Variants in APOBEC3H observed in about 807,000 individuals in gnomAD.
APOBEC3H encodes the protein apolipoprotein B mRNA editing enzyme catalytic subunit 3H.
Under a neutral mutation model 21.2 loss-of-function variants are expected in APOBEC3H, and 8 were observed. The observed-to-expected ratio is 0.38, with a 90% CI of 0.22 to 0.68. The LOEUF is 0.68. APOBEC3H is among the 30% of genes least tolerant of loss of function. The pLI is 0.52. For synonymous variants in APOBEC3H, 88 were observed against 91.0 expected (o/e 0.97, Z 0.19); for missense variants, 229 against 228.1 (o/e 1.00, Z -0.03).
rs368183706 is a variant in APOBEC3H at position 39,101,583 on chromosome 22, G to A, written c.418+79G>A. 3.6e-5 allele frequency: 34 copies of A among 945,846 alleles called. No homozygotes were observed. The African/African-American group carries it at 5.6e-4, about 16-fold the overall frequency. 58.6% of individuals were successfully genotyped at this position (945,846 alleles called of 1,614,324 possible). ...TGGCAGGGGCTGGGGGTTGGGGGTTGGGGGTTGGAGGAGGTTGGCGGGGGG... is the reference window on the plus strand; with the variant it reads ...TGGCAGGGGCTGGGGGTTGGGGGTTAGGGGTTGGAGGAGGTTGGCGGGGGG... On this transcript the variant is annotated intron_variant, in intron 3 of 4. Coordinates refer to ENST00000442487, the MANE Select transcript of APOBEC3H (RefSeq NM_181773.5).
At chr22:39,100,189 T>G in intron 1 of APOBEC3H, 83 bp from the exon 2 acceptor site, 2 of 1,446,658 alleles carry the variant, frequency 1.4e-6, no homozygotes, top group Non-Finnish European at 1.9e-6. Context: ...CAAAAAAGAG[T>G]TGGGTTTGAA....
At chr22:39,102,154 T>C in intron 4 of APOBEC3H, 112 bp downstream of exon 4, 1 of 1,430,522 alleles carries the variant, frequency 7.0e-7, no homozygotes, top group Non-Finnish European at 9.2e-7. Context: ...TCTTTTCTTT[T>C]CTTTTCTTTT....
chr22:39,101,358 A>AG lies in APOBEC3H; in HGVS notation c.273dup (p.Leu92AlafsTer3). On this transcript the variant is annotated frameshift_variant, in exon 3 of 5. Transcript: ENST00000442487. LOFTEE classifies it high-confidence loss of function. ...AGCCCCTGCTCCTCCTGTGCCTGGG[A>AG]GCTGGTTGACTTCATCAAGGCTCAC... The AG allele has an allele frequency of 6.2e-7, 1 of 1,612,676 alleles. No individual in the cohort carries two copies. The highest frequency in any genetic ancestry group is 1.1e-5 in the South Asian group (1 of 90,990).
At chr22:39,102,922 C>T (rs942075450) in intron 4 of APOBEC3H, among the ~76,000 whole-genome samples, 14 of 145,350 alleles carry the variant, frequency 9.6e-5, no homozygotes, top group Non-Finnish European at 2.1e-4. Flanking sequence ...GAGATCATGC[C>T]ACTGCACTCC....
intron 4 of APOBEC3H, chr22:39,102,718 T>C: frequency 1.8e-6 from 1 of 567,774 alleles, no homozygotes; most frequent in Non-Finnish European, 3.2e-6. Flanking sequence ...AAAAATTAAC[T>C]CGGCCAGGCA....
At chr22:39,100,232 C>T (rs372401151) in intron 1 of APOBEC3H, 40 bp from the exon 2 acceptor site, 87 of 1,591,614 alleles carry the variant, frequency 5.5e-5, no homozygotes, top group South Asian at 4.8e-4. Context: ...CTCAAGAGGA[C>T]GCTCCCTTCA....
intron 2 of APOBEC3H, 89 bp downstream of exon 2, chr22:39,100,517 T>C (rs1601536270): frequency 6.6e-7 from 1 of 1,504,574 alleles, no homozygotes; most frequent in Non-Finnish European, 8.9e-7. Flanking sequence ...TGCCTATAAA[T>C]TTCTCAATTT....
intron 1 of APOBEC3H, among the ~76,000 whole-genome samples, chr22:39,098,232 C>G (rs987543932): frequency 2.0e-5 from 3 of 152,196 alleles, no homozygotes; most frequent in Non-Finnish European, 4.4e-5. Flanking sequence ...GAAGTGCTAC[C>G]CTGATTTTTT....
At chr22:39,103,572 G>T in intron 4 of APOBEC3H, 117 bp from the exon 5 acceptor site, 1 of 1,094,200 alleles carries the variant, frequency 9.1e-7, no homozygotes, top group Non-Finnish European at 1.4e-6. Context: ...GGCCTTCTGG[G>T]CCCTTCTGGT....
intron 2 of APOBEC3H, among the ~76,000 whole-genome samples, 166 bp from the exon 3 acceptor site, chr22:39,101,070 GA>G (rs1396771040): frequency 1.3e-5 from 2 of 152,002 alleles, no homozygotes; most frequent in African/African-American, 4.8e-5. Flanking sequence ...GGGAAGGCAG[GA>G]AGCGGGTGCT....
Position 39,101,886 on chromosome 22 carries a change from G to A in APOBEC3H, c.419-32G>A, listed in dbSNP as rs780061261. On this transcript the variant is annotated intron_variant, in intron 3 of 4. Transcript: ENST00000442487. ...TCCTGGCACTGCAGCTGCTGCCCCT[G>A]GGGCCTGGCTGGTTTCCCTCTTCCC... The A allele has an allele frequency of 3.1e-6, 5 of 1,613,640 alleles. No individual in the cohort carries two copies. The African/African-American group carries it at 6.7e-5, about 22-fold the overall frequency.
chr22:39,103,845 A>C lies in APOBEC3H; in HGVS notation c.*148A>C. ...GTCCTGTAAGCAAGCACTAAGCTCC[A>C]CAGTGCCAGTTCCTTGCCCCAACCT... On this transcript the variant is annotated 3_prime_UTR_variant, in exon 5 of 5. Coordinates refer to ENST00000442487, the MANE Select transcript of APOBEC3H (RefSeq NM_181773.5). 2 of 1,014,506 alleles carry C rather than the reference A, an allele frequency of 2.0e-6. No homozygotes were observed. The highest frequency in any genetic ancestry group is 3.1e-6 in the Non-Finnish European group (2 of 638,874). The allele number at this position is 1,014,506 out of a possible 1,614,324, so 62.8% of individuals were successfully genotyped here. A position where few individuals can be genotyped will look rare whatever the true frequency, so the allele number is the denominator to read the frequency against.
intron 4 of APOBEC3H, chr22:39,102,716 A>C: frequency 1.8e-6 from 1 of 571,402 alleles, no homozygotes; most frequent in Non-Finnish European, 3.2e-6. Flanking sequence ...ACAAAAATTA[A>C]CTCGGCCAGG....
chr22:39,101,248 T>G lies in APOBEC3H; in HGVS notation c.162T>G (p.His54Gln), dbSNP rs567616108. The change falls in exon 3 of 5, where the codon CAT (histidine) becomes CAG (glutamine). Residue 54 changes from histidine to glutamine, a missense_variant. Transcript: ENST00000442487. ...RGYFENKKKC[H>Q]AEICFINEIK... ...GGGACCCTCCCCAGAAAAAGTGCCA[T>G]GCAGAAATTTGCTTTATTAACGAGA... 1.3e-6 allele frequency: 2 copies of G among 1,588,222 alleles called. No homozygotes were observed. The highest frequency in any genetic ancestry group is 1.7e-5 in the Admixed American group (1 of 58,816).
In APOBEC3H at chr22:39,101,772, A is replaced by G; in HGVS notation, c.419-146A>G. On this transcript the variant is annotated intron_variant, in intron 3 of 4. Coordinates refer to ENST00000442487, the MANE Select transcript of APOBEC3H (RefSeq NM_181773.5). ...AAGGATTGTGGCTCAGTCAAGGCCC[A>G]AGATCTGACACCACCCGGGAGGGAG... The G allele has an allele frequency of 3.0e-6, 4 of 1,318,766 alleles. No homozygotes were observed. In the Admixed American group the frequency reaches 6.1e-5, roughly 20 times the overall value. 81.7% of individuals were successfully genotyped at this position (1,318,766 alleles called of 1,614,324 possible).
intron 1 of APOBEC3H, among the ~76,000 whole-genome samples, chr22:39,097,722 A>C (rs1304560393): frequency 1.3e-5 from 2 of 152,202 alleles, no homozygotes; most frequent in African/African-American, 4.8e-5. Context: ...TTTTGTTCAC[A>C]GTGCTTTGAT....
intron 4 of APOBEC3H, chr22:39,102,505 C>T: frequency 1.4e-6 from 1 of 718,138 alleles, no homozygotes; most frequent in South Asian, 1.5e-5. Context: ...CCTTCTTGTT[C>T]TTTTAGATTC....
At chr22:39,099,852 C>G (rs1056260479) in intron 1 of APOBEC3H, among the ~76,000 whole-genome samples, 5 of 152,168 alleles carry the variant, frequency 3.3e-5, no homozygotes, top group Admixed American at 2.6e-4. Flanking sequence ...CCTCCCTCAC[C>G]AAGGGGAAGG....
Position 39,103,834 on chromosome 22 carries a change from C to T in APOBEC3H, c.*137C>T. 9.1e-7 allele frequency: 1 copy of T among 1,096,248 alleles called. No homozygotes were observed. The highest frequency in any genetic ancestry group is 1.4e-6 in the Non-Finnish European group (1 of 711,256). 67.9% of individuals were successfully genotyped at this position (1,096,248 alleles called of 1,614,324 possible). A position where few individuals can be genotyped will look rare whatever the true frequency, so the allele number is the denominator to read the frequency against. The stretch of plus-strand genomic sequence containing the variant: ...ATAGCCTGCTGGTCCTGTAAGCAAG[C>T]ACTAAGCTCCACAGTGCCAGTTCCT... On this transcript the variant is annotated 3_prime_UTR_variant, in exon 5 of 5. Transcript: ENST00000442487.
Sources: gnomAD v4.1 joint callset for allele counts (sites outside exome capture counted in the v4.1 genomes callset) on GRCh38, gnomAD v4.1.1 for gene constraint, MANE v1.5 for transcripts, NCBI Gene and HGNC (gene_info 2026-07-23, HGNC 2026-07-21) for gene names.